The following KCTD8 variants were observed in gnomAD, a reference collection of about 807,000 sequenced individuals.
KCTD8 encodes the protein BTB/POZ domain-containing protein KCTD8.
KCTD8 carries 27 observed loss-of-function variants against 31.5 expected under a neutral mutation model. The ratio of observed to expected loss-of-function variants is 0.86; its 90% confidence interval spans 0.63 to 1.18. The LOEUF (loss-of-function observed/expected upper bound fraction) is 1.18, where lower values mean the gene tolerates loss of function less well. Ranked by LOEUF, KCTD8 falls within the 50% of genes most tolerant of loss-of-function variation. The pLI is 0.00. For synonymous variants in KCTD8, 290 were observed against 280.0 expected (o/e 1.04, Z -0.36); for missense variants, 658 against 647.7 (o/e 1.02, Z -0.17).
intron 1 of KCTD8, among the ~76,000 whole-genome samples, chr4:44,388,623 T>C (rs949694036): frequency 6.6e-6 from 1 of 151,820 alleles, no homozygotes; most frequent in Non-Finnish European, 1.5e-5. Context: ...GAATACCAGA[T>C]GTACTCACTT....
At chr4:44,395,988 T>A (rs1293790332) in intron 1 of KCTD8, among the ~76,000 whole-genome samples, 1 of 152,162 alleles carries the variant, frequency 6.6e-6, no homozygotes, top group East Asian at 1.9e-4. Context: ...GTACACTTTA[T>A]TTCTATTATT....
rs1347863472 is a variant in KCTD8 at position 44,230,124 on chromosome 4, G to T, written c.962-54874C>A. 2.4e-4 allele frequency among the ~76,000 whole-genome samples: 36 copies of T among 152,108 alleles called. 1 individual carries two copies. Among genetic ancestry groups the T allele is most frequent in the Admixed American group, 2.4e-3 (36 of 15,276 alleles). ...CCCTCAGTCAAATTCTTTCTTTTGA[G>T]GAGGCAAGAATTGAGGTTGCTGCAG... On this transcript the variant is annotated intron_variant, in intron 1 of 1. Coordinates refer to ENST00000360029, the MANE Select transcript of KCTD8 (RefSeq NM_198353.3).
intron 1 of KCTD8, among the ~76,000 whole-genome samples, chr4:44,292,900 T>C (rs1016650962): frequency 2.6e-5 from 4 of 152,116 alleles, no homozygotes; most frequent in African/African-American, 9.7e-5. Context: ...TGTGTCCAAC[T>C]AATTTCTATT....
chr4:44,334,174 T>C (rs199805230), intron 1 of KCTD8, among the ~76,000 whole-genome samples: 2 of 152,096 alleles, frequency 1.3e-5, no homozygotes, highest in East Asian at 3.9e-4. Context: ...ACTGAATATG[T>C]TTTAAAAGTC....
intron 1 of KCTD8, among the ~76,000 whole-genome samples, chr4:44,443,787 G>T (rs1721869130): frequency 6.6e-6 from 1 of 152,088 alleles, no homozygotes; most frequent in Non-Finnish European, 1.5e-5. Flanking sequence ...TAAAAAGGTA[G>T]TTTTTATCTA....
At chr4:44,177,408 G>C (rs2090496869) in intron 1 of KCTD8, among the ~76,000 whole-genome samples, 1 of 151,956 alleles carries the variant, frequency 6.6e-6, no homozygotes, top group South Asian at 2.1e-4. Context: ...CCCTCTTGAG[G>C]CTCATAGTTT....
intron 1 of KCTD8, among the ~76,000 whole-genome samples, chr4:44,214,897 C>G (rs1714604553): frequency 1.3e-5 from 2 of 152,138 alleles, no homozygotes; most frequent in African/African-American, 4.8e-5. Context: ...CCAAATTGCT[C>G]CTGGGGAAAA....
intron 1 of KCTD8, among the ~76,000 whole-genome samples, chr4:44,267,430 C>T (rs2073089746): frequency 6.6e-6 from 1 of 152,072 alleles, no homozygotes. Flanking sequence ...TAAATGCCCA[C>T]AAGAGAAAGC....
chr4:44,410,729 T>A (rs1320071118), intron 1 of KCTD8, among the ~76,000 whole-genome samples: 1 of 152,060 alleles, frequency 6.6e-6, no homozygotes, highest in Non-Finnish European at 1.5e-5. Flanking sequence ...CCCCTTATAA[T>A]AACTATCAGC....
chr4:44,317,228 C>CTTTTTTTTTTTTT, intron 1 of KCTD8, among the ~76,000 whole-genome samples: 859 of 36,518 alleles, frequency 0.024, 203 homozygotes, highest in Middle Eastern at 0.05. Flanking sequence ...TGGGTGCTTT[C>CTTTTTTTTTTTTT]TTTTTTTTTT....
chr4:44,353,951 G>T (rs899438031), intron 1 of KCTD8, among the ~76,000 whole-genome samples: 2 of 152,006 alleles, frequency 1.3e-5, no homozygotes, highest in African/African-American at 4.8e-5. Flanking sequence ...GCTTTGGATT[G>T]CTCCAACCAT....
chr4:44,180,984 G>A (rs368449466), intron 1 of KCTD8, among the ~76,000 whole-genome samples: 41 of 152,202 alleles, frequency 2.7e-4, no homozygotes, highest in African/African-American at 9.4e-4. Context: ...ATAATTTTCT[G>A]CAAGTTCACT....
At chr4:44,378,434 A>T (rs951882898) in intron 1 of KCTD8, among the ~76,000 whole-genome samples, 3 of 151,536 alleles carry the variant, frequency 2.0e-5, no homozygotes, top group African/African-American at 2.4e-5. Flanking sequence ...CGTTGTGCAT[A>T]TGTACCCTAG....
At chr4:44,274,832 G>T (rs1297380128) in intron 1 of KCTD8, among the ~76,000 whole-genome samples, 1 of 149,568 alleles carries the variant, frequency 6.7e-6, no homozygotes, top group Non-Finnish European at 1.5e-5. Context: ...TTGCTATAAA[G>T]CAAAAAAAAA....
chr4:44,180,587 G>GCACACACA (rs201708007), intron 1 of KCTD8, among the ~76,000 whole-genome samples: 3 of 139,130 alleles, frequency 2.2e-5, no homozygotes, highest in African/African-American at 8.2e-5. Context: ...ATACATACAT[G>GCACACACA]CACACACACA....
chr4:44,306,223 C>A (rs551655912), intron 1 of KCTD8, among the ~76,000 whole-genome samples: 2 of 151,918 alleles, frequency 1.3e-5, no homozygotes, highest in South Asian at 4.1e-4. Context: ...TATAATTCGT[C>A]AGTTAAAAAG....
chr4:44,321,005 T>C (rs189281799), intron 1 of KCTD8, among the ~76,000 whole-genome samples: 8 of 152,284 alleles, frequency 5.3e-5, no homozygotes, highest in African/African-American at 1.9e-4. Flanking sequence ...TATTTGTAAA[T>C]GTGTTTTACA....
intron 1 of KCTD8, among the ~76,000 whole-genome samples, chr4:44,409,371 C>A (rs187516751): frequency 6.6e-6 from 1 of 152,114 alleles, no homozygotes; most frequent in African/African-American, 2.4e-5. Context: ...TCAAGACAGA[C>A]ATTTTACACT....
At position 44,263,268 on chromosome 4, in the gene KCTD8, C is replaced by T. The variant is rs1716236902; in HGVS notation, c.962-88018G>A. On this transcript the variant is annotated intron_variant, in intron 1 of 1. Coordinates refer to ENST00000360029, the MANE Select transcript of KCTD8 (RefSeq NM_198353.3). ...TTGAAAATCTAGGTAGATGAAGGAA[C>T]TAATCTGTTTTGTTTTTCAAAGAAT... Among the ~76,000 whole-genome samples the T allele has an allele frequency of 2.6e-5, 4 of 152,090 alleles. No individual in the cohort carries two copies. In the East Asian group the frequency reaches 7.7e-4, roughly 29 times the overall value.
Sources: allele counts gnomAD v4.1 joint callset (sites outside exome capture counted in the v4.1 genomes callset), GRCh38; gene constraint gnomAD v4.1.1; transcripts MANE v1.5; gene names NCBI Gene and HGNC (gene_info 2026-07-23, HGNC 2026-07-21).